Variants in PSMB7 observed in about 807,000 individuals in gnomAD.
PSMB7 encodes proteasome 20S subunit beta 7.
A neutral mutation model predicts 28.1 loss-of-function variants in PSMB7; 5 were observed. The observed-to-expected ratio is 0.18, with a 90% confidence interval of 0.09 to 0.37. PSMB7 has a LOEUF of 0.37. PSMB7 is among the 10% of genes least tolerant of loss of function. The probability of loss-of-function intolerance (pLI) is 1.00; values close to 1 mark genes in which losing one functional copy is unlikely to be tolerated. For missense variants in PSMB7, 275 were observed against 346.2 expected, an observed-to-expected ratio of 0.79 and a Z score of 1.63; for synonymous variants, 122 against 123.7, an observed-to-expected ratio of 0.99 and a Z score of 0.09.
chr9:124,370,447 G>A (rs572190090), intron 6 of PSMB7, among the ~76,000 whole-genome samples: 1 of 151,088 alleles, frequency 6.6e-6, no homozygotes, highest in East Asian at 1.9e-4. Context: ...CTTAAGAATC[G>A]CCAGTCCCTT....
intron 7 of PSMB7, among the ~76,000 whole-genome samples, chr9:124,354,869 A>G (rs1045272425): frequency 6.6e-6 from 1 of 152,186 alleles, no homozygotes; most frequent in Non-Finnish European, 1.5e-5. Context: ...TTGGACACAC[A>G]AGAGCCTCCT....
intron 6 of PSMB7, 103 bp from the exon 7 acceptor site, chr9:124,357,018 C>G: frequency 7.7e-7 from 1 of 1,291,082 alleles, no homozygotes; most frequent in Non-Finnish European, 1.1e-6. Context: ...TCCCGCGAGA[C>G]AGGTGTTGTT....
chr9:124,380,853 G>GTAGTGTGT (rs1830657031), intron 6 of PSMB7, among the ~76,000 whole-genome samples: 1 of 152,212 alleles, frequency 6.6e-6, no homozygotes, highest in Admixed American at 6.5e-5. Flanking sequence ...GGATATGGCA[G>GTAGTGTGT]AAACCTTAAA....
intron 6 of PSMB7, among the ~76,000 whole-genome samples, chr9:124,382,538 T>C (rs1243252517): frequency 2.0e-5 from 3 of 152,128 alleles, no homozygotes; most frequent in African/African-American, 7.2e-5. Context: ...AATAAAGTGA[T>C]TTTCACTGAT....
intron 6 of PSMB7, among the ~76,000 whole-genome samples, chr9:124,379,695 T>C (rs888216528): frequency 6.6e-6 from 1 of 152,238 alleles, no homozygotes; most frequent in African/African-American, 2.4e-5. Context: ...AATGAGCATT[T>C]GCCCTTTGCC....
chr9:124,394,933 A>C (rs866049929), intron 5 of PSMB7, among the ~76,000 whole-genome samples: 8 of 152,214 alleles, frequency 5.3e-5, no homozygotes, highest in Non-Finnish European at 1.2e-4. Context: ...CATTCACTGC[A>C]CATTTTAAAT....
intron 6 of PSMB7, among the ~76,000 whole-genome samples, chr9:124,364,998 G>A (rs1189286496): frequency 6.6e-6 from 1 of 152,200 alleles, no homozygotes; most frequent in African/African-American, 2.4e-5. Context: ...ACAAGGCCCA[G>A]GCAGAACCAG....
intron 5 of PSMB7, among the ~76,000 whole-genome samples, chr9:124,390,872 T>TTACAAA (rs1830776073): frequency 6.6e-6 from 1 of 152,098 alleles, no homozygotes; most frequent in Non-Finnish European, 1.5e-5. Flanking sequence ...TTCCTTACAT[T>TTACAAA]TGTATACAAG....
chr9:124,413,569 G>A (rs1421575225), intron 3 of PSMB7, among the ~76,000 whole-genome samples: 1 of 152,106 alleles, frequency 6.6e-6, no homozygotes, highest in South Asian at 2.1e-4. Context: ...AACTGCAATA[G>A]TCCAGCTAAG....
In PSMB7 at chr9:124,414,893, C is replaced by G; in HGVS notation, c.105G>C (p.Lys35Asn). Residue 35 changes from lysine to asparagine, a missense_variant, in exon 2 of 8, where the codon AAG becomes AAC. Transcript: ENST00000259457. The stretch of plus-strand genomic sequence containing the variant: ...TGCCAGTTTTCCGGACCTTTGGAAG[C>G]TTGTATCCCCTCTTTGCAAAATCGG... ...LEADFAKRGY[K>N]LPKVRKTGTT... The G allele has an allele frequency of 6.2e-7, 1 of 1,613,486 alleles. No individual in the cohort carries two copies. Among genetic ancestry groups the G allele is most frequent in the Non-Finnish European group, 8.5e-7 (1 of 1,179,800 alleles).
intron 5 of PSMB7, among the ~76,000 whole-genome samples, chr9:124,388,872 C>T (rs1830754428): frequency 6.6e-6 from 1 of 152,166 alleles, no homozygotes; most frequent in Non-Finnish European, 1.5e-5. Flanking sequence ...CTTGGTCACT[C>T]CCCTCCACAG....
At chr9:124,399,494 G>T (rs1438887661) in intron 5 of PSMB7, among the ~76,000 whole-genome samples, 1 of 152,222 alleles carries the variant, frequency 6.6e-6, no homozygotes, top group African/African-American at 2.4e-5. Context: ...GTTTCTGAAA[G>T]GAGGCAGCAA....
chr9:124,368,775 A>T (rs1830533229), intron 6 of PSMB7, among the ~76,000 whole-genome samples: 1 of 152,364 alleles, frequency 6.6e-6, no homozygotes, highest in East Asian at 1.9e-4. Flanking sequence ...ATACCTGATA[A>T]GCATTTTACA....
At chr9:124,357,163 G>A (rs16927388) in intron 6 of PSMB7, among the ~76,000 whole-genome samples, 7,290 of 152,156 alleles carry the variant, frequency 0.048, 253 homozygotes, top group African/African-American at 0.099. Flanking sequence ...ACCACAAAAC[G>A]ATGGGCTGAC....
intron 6 of PSMB7, among the ~76,000 whole-genome samples, chr9:124,379,051 C>G (rs1232004253): frequency 1.3e-5 from 2 of 152,228 alleles, no homozygotes; most frequent in African/African-American, 4.8e-5. Context: ...AAAAACCTCT[C>G]ATATAACTGA....
intron 6 of PSMB7, among the ~76,000 whole-genome samples, chr9:124,376,916 T>C (rs1321984921): frequency 2.0e-5 from 3 of 152,164 alleles, no homozygotes; most frequent in Non-Finnish European, 2.9e-5. Flanking sequence ...CCTCAAGGAA[T>C]TGCTGAAAAG....
Position 124,412,415 on chromosome 9 carries a change from A to C in PSMB7, c.332T>G (p.Leu111Arg), listed in dbSNP as rs754351512. The change falls in exon 4 of 8, where the codon CTC becomes CGC. Residue 111 changes from leucine (L) to arginine (R), a missense_variant. By Grantham distance (102) the Leu-to-Arg change is moderately radical. Coordinates refer to ENST00000259457, the MANE Select transcript of PSMB7 (RefSeq NM_002799.4). ...LISSNLELHS[L>R]STGRLPRVVT... ...AACTCTGGGAAGACGGCCAGTGGAG[A>C]GGGAGTGGAGCTCCAGGTTGGAAGA... 1 of 1,614,146 alleles carries C rather than the reference A, an allele frequency of 6.2e-7. No homozygotes were observed. Among genetic ancestry groups the C allele is most frequent in the South Asian group, 1.1e-5 (1 of 91,084 alleles).
At position 124,402,960 on chromosome 9, in the gene PSMB7, T is replaced by G. The variant is rs147041701; in HGVS notation, c.511+2357A>C. ...GTGAACATCTGTTATATAAAAACCT[T>G]GTAAGAGGCTAGATAACAACACAAT... is the stretch of plus-strand genomic sequence containing the variant. On this transcript the variant is annotated intron_variant, in intron 5 of 7. Transcript: ENST00000259457. 4.8e-3 allele frequency among the ~76,000 whole-genome samples: 730 copies of G among 152,258 alleles called. 7 individuals are homozygous for G. The highest frequency in any genetic ancestry group is 0.017 in the African/African-American group (697 of 41,538).
Position 124,415,335 on chromosome 9 carries a change from C to T in PSMB7, c.62+29G>A, listed in dbSNP as rs752254241. ...CCCGAGCACCGCACTCTTCTCCCTC[C>T]CTGAACCAAGCCCCAAGCAAGGCGG... On this transcript the variant is annotated intron_variant, in intron 1 of 7. Transcript: ENST00000259457. 5.0e-6 allele frequency: 8 copies of T among 1,611,282 alleles called. No homozygotes were observed. The South Asian group carries it at 8.8e-5, about 18-fold the overall frequency.
Sources: allele counts gnomAD v4.1 joint callset (sites outside exome capture counted in the v4.1 genomes callset), GRCh38; gene constraint gnomAD v4.1.1; transcripts MANE v1.5; gene names NCBI Gene and HGNC (gene_info 2026-07-23, HGNC 2026-07-21).